MICAL1: variants seen among roughly 807,000 people sequenced by gnomAD.
The protein encoded by MICAL1 is microtubule associated monooxygenase, calponin and LIM domain containing 1, also known as [F-actin]-monooxygenase MICAL1.
A neutral mutation model predicts 131.8 loss-of-function variants in MICAL1; 95 were observed. That is an observed-to-expected ratio of 0.72 (90% CI 0.61 to 0.86). MICAL1 has a LOEUF of 0.86. Among genes scored for constraint, MICAL1 ranks in the 40% least tolerant of loss-of-function variants. MICAL1 has a pLI of 0.00. For synonymous variants in MICAL1, 546 were observed against 554.2 expected, an observed-to-expected ratio of 0.99 and a Z score of 0.21; for missense variants, 1,292 against 1,380.6, an observed-to-expected ratio of 0.94 and a Z score of 1.02.
At chr6:109,449,561 G>A (rs1214198864) in intron 10 of MICAL1, 80 bp from the exon 11 acceptor site, 41 of 1,604,528 alleles carry the variant, frequency 2.6e-5, no homozygotes, top group Non-Finnish European at 3.5e-5. Flanking sequence ...GCCGGGGGTA[G>A]GATTGACCCC....
chr6:109,444,774 C>T lies in MICAL1; in HGVS notation c.3006G>A (p.Glu1002=). The part of the protein sequence containing the change: ...MITVQELNLE[E]KQWQLDQELR... Reference sequence around the variant, plus strand: ...GCTCCTGGTCCAGCTGCCACTGTTTCTCCTCCAGATTCAATTCCTGCACCC... The same window carrying T: ...GCTCCTGGTCCAGCTGCCACTGTTTTTCCTCCAGATTCAATTCCTGCACCC... Residue 1002 remains glutamate, a synonymous_variant, in exon 24 of 25, where the codon GAG becomes GAA. Transcript: ENST00000358807. The T allele has an allele frequency of 1.2e-6, 2 of 1,614,162 alleles. No homozygotes were observed. The highest frequency in any genetic ancestry group is 8.5e-7 in the Non-Finnish European group (1 of 1,180,032).
At position 109,444,269 on chromosome 6, in the gene MICAL1, G is replaced by T. The variant is rs1387459887; in HGVS notation, c.3126C>A (p.Asn1042Lys). 2 of 1,613,494 alleles carry T rather than the reference G, an allele frequency of 1.2e-6. No homozygotes were observed. The highest frequency in any genetic ancestry group is 1.7e-6 in the Non-Finnish European group (2 of 1,180,032). Reference protein sequence around the residue: ...QVLRKLVDLVNQRDALIRFQE... With the variant: ...QVLRKLVDLVKQRDALIRFQE... ...GGAAGCGGATGAGGGCATCTCTCTG[G>T]TTGACCAAATCCACCAGCTTCCTCA... Residue 1042 changes from asparagine (N) to lysine (K), a missense_variant, in exon 25 of 25, where the codon AAC becomes AAA. By Grantham distance (94) the Asn-to-Lys change is moderately conservative (BLOSUM62 0). Coordinates refer to ENST00000358807, the MANE Select transcript of MICAL1 (RefSeq NM_022765.4).
chr6:109,447,494 G>A (rs1775285767), intron 15 of MICAL1, 54 bp from the exon 16 acceptor site: 7 of 1,569,670 alleles, frequency 4.5e-6, no homozygotes, highest in South Asian at 2.3e-5. Context: ...CCAGCTGGGA[G>A]GGGATGCGTA....
At chr6:109,447,020 C>A in intron 17 of MICAL1, 53 bp downstream of exon 17, 1 of 1,592,704 alleles carries the variant, frequency 6.3e-7, no homozygotes. Context: ...CTCTGTGTCC[C>A]CCAAGCAGGG....
At chr6:109,451,009 C>T (rs1424054251) in intron 7 of MICAL1, among the ~76,000 whole-genome samples, 1 of 152,100 alleles carries the variant, frequency 6.6e-6, no homozygotes, top group Admixed American at 6.5e-5. Context: ...GGCACTGTTC[C>T]AGGTACTGGC....
At chr6:109,448,906 A>C in intron 11 of MICAL1, 27 bp from the exon 12 acceptor site, 2 of 1,611,094 alleles carry the variant, frequency 1.2e-6, no homozygotes, top group Non-Finnish European at 1.7e-6. Flanking sequence ...TGCTGTGCCC[A>C]AGGCCCCCTC....
chr6:109,444,768 C>CTGGACCAG lies in MICAL1; in HGVS notation c.3011_3012insCTGGTCCA (p.Gln1004HisfsTer15). 6.2e-7 allele frequency: 1 copy of CTGGACCAG among 1,614,184 alleles called. No homozygotes were observed. Among genetic ancestry groups the CTGGACCAG allele is most frequent in the Non-Finnish European group, 8.5e-7 (1 of 1,180,042 alleles). ...CTCGTAGCTCCTGGTCCAGCTGCCA[C>CTGGACCAG]TGTTTCTCCTCCAGATTCAATTCCT... On this transcript the variant is annotated frameshift_variant, in exon 24 of 25. Coordinates refer to ENST00000358807, the MANE Select transcript of MICAL1 (RefSeq NM_022765.4). LOFTEE classifies it high-confidence loss of function.
intron 17 of MICAL1, 87 bp downstream of exon 17, chr6:109,446,986 C>T (rs1387120090): frequency 2.6e-5 from 39 of 1,510,092 alleles, no homozygotes; most frequent in Non-Finnish European, 1.8e-6. Context: ...AGCCTGTTTC[C>T]ATCCTGTGCC....
At chr6:109,445,018 G>A (rs1389487646) in intron 22 of MICAL1, 23 bp from the exon 23 acceptor site, 3 of 1,610,646 alleles carry the variant, frequency 1.9e-6, no homozygotes, top group Non-Finnish European at 2.5e-6. Flanking sequence ...AAGATGGGTA[G>A]GGTGATCAGG....
In MICAL1 at chr6:109,449,528, CCT is replaced by C. The variant is rs112875528; in HGVS notation, c.1435-49_1435-48del. 42 of 1,612,334 alleles carry C rather than the reference CCT, an allele frequency of 2.6e-5. No individual in the cohort carries two copies. The Middle Eastern group carries it at 4.9e-4, about 19-fold the overall frequency. ...CTCAAGGCAGGCTGGCCACACAGCC[CCT>C]GAGTCCAGGGGTAAGGGCCTGCCGG... is the stretch of plus-strand genomic sequence containing the variant. On this transcript the variant is annotated intron_variant, in intron 10 of 24. Coordinates refer to ENST00000358807, the MANE Select transcript of MICAL1 (RefSeq NM_022765.4).
At position 109,455,666 on chromosome 6, in the gene MICAL1, A is replaced by C; in HGVS notation, c.-44+53T>G. On this transcript the variant is annotated intron_variant, in intron 1 of 24. Coordinates refer to ENST00000358807, the MANE Select transcript of MICAL1 (RefSeq NM_022765.4). This position sits in a 1 kb window ranked among gnomAD's most constrained non-coding sequence, Gnocchi z 4.7. ...CTGCGTTTCCCCGGAAGCGCACCCCACCTCACCCCACCCGGCCGCGGGGCT... is the reference window on the plus strand; with the variant it reads ...CTGCGTTTCCCCGGAAGCGCACCCCCCCTCACCCCACCCGGCCGCGGGGCT... 1.0e-6 allele frequency: 1 copy of C among 981,796 alleles called. No individual in the cohort carries two copies. Among genetic ancestry groups the C allele is most frequent in the Non-Finnish European group, 1.2e-6 (1 of 827,104 alleles). The allele number at this position is 981,796 out of a possible 1,614,324, so 60.8% of individuals were successfully genotyped here. A position where few individuals can be genotyped will look rare whatever the true frequency, so the allele number is the denominator to read the frequency against.
chr6:109,450,148 G>A, intron 8 of MICAL1, 63 bp from the exon 9 acceptor site: 2 of 1,581,066 alleles, frequency 1.3e-6, no homozygotes, highest in South Asian at 1.2e-5. Flanking sequence ...CCCAAGCCCA[G>A]ATATCCACCC....
At chr6:109,451,186 CTT>C in intron 7 of MICAL1, among the ~76,000 whole-genome samples, 1 of 142,964 alleles carries the variant, frequency 7.0e-6, no homozygotes, top group African/African-American at 2.6e-5. Flanking sequence ...CAGAGTTTCA[CTT>C]TGTTGCCGAG....
Position 109,455,581 on chromosome 6 carries a change from A to T in MICAL1, c.-44+138T>A. On this transcript the variant is annotated intron_variant, in intron 1 of 24. Transcript: ENST00000358807. The surrounding 1 kb of genome is among the most constrained non-coding windows in gnomAD (Gnocchi z 4.7). ...GGCAAAGTCCGGACGCGGCGTGAGC[A>T]GGGCTGGGCTGAGGGAAGACCTGCC... The T allele has an allele frequency of 1.9e-6, 1 of 523,862 alleles. No individual in the cohort carries two copies. Among genetic ancestry groups the T allele is most frequent in the Non-Finnish European group, 2.5e-6 (1 of 407,230 alleles). The allele number at this position is 523,862 out of a possible 1,614,324, so 32.5% of individuals were successfully genotyped here.
At position 109,444,117 on chromosome 6, in the gene MICAL1, G is replaced by T; in HGVS notation, c.*74C>A. On this transcript the variant is annotated 3_prime_UTR_variant, in exon 25 of 25. Coordinates refer to ENST00000358807, the MANE Select transcript of MICAL1 (RefSeq NM_022765.4). ...GCAAGGCTCTCTGCCAGGCAGCCCA[G>T]ATGAACAGGGGTGGCACTGTGCTGG... 6.5e-7 allele frequency: 1 copy of T among 1,550,236 alleles called. No individual in the cohort carries two copies. Among genetic ancestry groups the T allele is most frequent in the Non-Finnish European group, 8.7e-7 (1 of 1,154,842 alleles).
rs1035618017 is a variant in MICAL1 at position 109,449,710 on chromosome 6, C to G, written c.1381G>C (p.Asp461His). 1 of 1,596,472 alleles carries G rather than the reference C, an allele frequency of 6.3e-7. No homozygotes were observed. Among genetic ancestry groups the G allele is most frequent in the Non-Finnish European group, 8.5e-7 (1 of 1,171,526 alleles). Residue 461 changes from aspartate to histidine, a missense_variant, in exon 10 of 25, where the codon GAC becomes CAC. Physicochemically the swap from Asp to His is moderately conservative, Grantham distance 81. Transcript: ENST00000358807. ...AGGTTGGGGTAGCGGGTGGCTGGGT[C>G]CAGCCCATACTGGGCCACATTGCGA... ...MHRNVAQYGLDPATRYPNLNL... is the reference protein window; with the variant it reads ...MHRNVAQYGLHPATRYPNLNL...
intron 11 of MICAL1, 35 bp downstream of exon 11, chr6:109,449,365 A>G: frequency 6.2e-7 from 1 of 1,610,774 alleles, no homozygotes. Context: ...GGTAGTACAT[A>G]TTTTGGTCAC....
Position 109,454,168 on chromosome 6 carries a change from G to T in MICAL1, c.29C>A (p.Ala10Glu). MASPTSTNPAHAHFESFLQA... is the reference protein window; with the variant it reads MASPTSTNPEHAHFESFLQA... Reference sequence around the variant, plus strand: ...CAGGAAGCTCTCAAAGTGGGCATGCGCTGGGTTGGTGGAGGTAGGTGAAGC... The same window carrying T: ...CAGGAAGCTCTCAAAGTGGGCATGCTCTGGGTTGGTGGAGGTAGGTGAAGC... Residue 10 changes from alanine (A) to glutamate (E), a missense_variant, in exon 2 of 25, where the codon GCG becomes GAG. By Grantham distance (107) the Ala-to-Glu change is moderately radical. Coordinates refer to ENST00000358807, the MANE Select transcript of MICAL1 (RefSeq NM_022765.4). The T allele has an allele frequency of 6.2e-7, 1 of 1,608,150 alleles. No individual in the cohort carries two copies. The highest frequency in any genetic ancestry group is 8.5e-7 in the Non-Finnish European group (1 of 1,177,576).
chr6:109,448,405 C>T lies in MICAL1; in HGVS notation c.1665-12G>A. The T allele has an allele frequency of 6.2e-7, 1 of 1,612,146 alleles. No homozygotes were observed. The highest frequency in any genetic ancestry group is 8.5e-7 in the Non-Finnish European group (1 of 1,179,850). Reference sequence around the variant, plus strand: ...GCTCTGAGGGTTCCCTGTGGGATGTCAGGGAGAAAAGCCAACTAGAGACAA... The same window carrying T: ...GCTCTGAGGGTTCCCTGTGGGATGTTAGGGAGAAAAGCCAACTAGAGACAA... On this transcript the variant is annotated splice_polypyrimidine_tract_variant and intron_variant, in intron 12 of 24. Coordinates refer to ENST00000358807, the MANE Select transcript of MICAL1 (RefSeq NM_022765.4).
Sources: gnomAD v4.1 joint callset for allele counts (sites outside exome capture counted in the v4.1 genomes callset) on GRCh38, gnomAD v4.1.1 for gene constraint, Gnocchi (gnomAD v3.1) non-coding constraint, MANE v1.5 for transcripts, NCBI Gene and HGNC (gene_info 2026-07-23, HGNC 2026-07-21) for gene names.